KCNMA1: variants seen among roughly 807,000 people sequenced by gnomAD.
The protein encoded by KCNMA1 is potassium calcium-activated channel subfamily M alpha 1.
KCNMA1 carries 29 observed loss-of-function variants against 140.0 expected under a neutral mutation model. The observed-to-expected ratio is 0.21, with a 90% CI of 0.15 to 0.28. The LOEUF (loss-of-function observed/expected upper bound fraction) is 0.28. Among genes scored for constraint, KCNMA1 ranks in the 10% least tolerant of loss-of-function variants. The pLI is 1.00. For missense variants in KCNMA1, 880 were observed against 1,602.2 expected (o/e 0.55, Z 7.70); for synonymous variants, 612 against 611.9 (o/e 1.00, Z 0.00).
Position 77,112,411 on chromosome 10 carries a change from T to C in KCNMA1, c.916A>G (p.Ile306Val). Reference protein sequence around the residue: ...NSIKLVNLLSIFISTWLTAAG... With the variant: ...NSIKLVNLLSVFISTWLTAAG... ...GCAGTCAGCCACGTGCTGATAAATATGGAGAGCAGATTCACCAGCTTGATG... is the reference window on the plus strand; with the variant it reads ...GCAGTCAGCCACGTGCTGATAAATACGGAGAGCAGATTCACCAGCTTGATG... The change falls in exon 7 of 28, where the codon ATA becomes GTA. Residue 306 changes from isoleucine (I) to valine (V), a missense_variant. Coordinates refer to ENST00000286628, the MANE Select transcript of KCNMA1 (RefSeq NM_001161352.2). 1 of 1,613,964 alleles carries C rather than the reference T, an allele frequency of 6.2e-7. No homozygotes were observed. Among genetic ancestry groups the C allele is most frequent in the Non-Finnish European group, 8.5e-7 (1 of 1,179,880 alleles).
At chr10:77,504,447 C>A (rs1372617516) in intron 1 of KCNMA1, among the ~76,000 whole-genome samples, 1 of 152,098 alleles carries the variant, frequency 6.6e-6, no homozygotes, top group Non-Finnish European at 1.5e-5. Context: ...TAGCCCAGAT[C>A]CTTGCAAACT....
Position 77,180,099 on chromosome 10 carries a change from C to T in KCNMA1, c.808+3322G>A, listed in dbSNP as rs1565030413. ...GCCAGCTACCGCACAGTCCTGTACCCTCAGCAGGGCCAGGAAAGTTTGTGC... is the reference window on the plus strand; with the variant it reads ...GCCAGCTACCGCACAGTCCTGTACCTTCAGCAGGGCCAGGAAAGTTTGTGC... On this transcript the variant is annotated intron_variant, in intron 5 of 27. Coordinates refer to ENST00000286628, the MANE Select transcript of KCNMA1 (RefSeq NM_001161352.2). Among the ~76,000 whole-genome samples, 3 of 152,200 alleles carry T rather than the reference C, an allele frequency of 2.0e-5. No homozygotes were observed. The South Asian group carries it at 6.2e-4, about 32-fold the overall frequency.
At chr10:77,611,576 A>G (rs978287986) in intron 1 of KCNMA1, among the ~76,000 whole-genome samples, 3 of 152,228 alleles carry the variant, frequency 2.0e-5, no homozygotes, top group Non-Finnish European at 4.4e-5. Context: ...TCAGCTACGT[A>G]AAGTCCCTCA....
chr10:77,406,680 C>A (rs968694212), intron 1 of KCNMA1, among the ~76,000 whole-genome samples: 8 of 152,176 alleles, frequency 5.3e-5, no homozygotes, highest in Middle Eastern at 3.2e-3. Context: ...CTCCTGGCCT[C>A]TCCCTTCACC....
intron 20 of KCNMA1, among the ~76,000 whole-genome samples, chr10:76,966,225 G>A (rs913838651): frequency 5.3e-5 from 8 of 152,186 alleles, no homozygotes; most frequent in Admixed American, 5.2e-4. Context: ...GCAGGCAGCC[G>A]AAGTGCACAG....
chr10:77,064,524 A>G lies in KCNMA1; in HGVS notation c.1749+8573T>C, dbSNP rs1215170251. On this transcript the variant is annotated intron_variant, in intron 14 of 27. Transcript: ENST00000286628. ...CTTGAGAATTTGTAAAGGTCTGAGA[A>G]CGCTTTAATTCAATGTTCTAGAAAT... is the stretch of plus-strand genomic sequence containing the variant. Among the ~76,000 whole-genome samples, 3 of 152,230 alleles carry G rather than the reference A, an allele frequency of 2.0e-5. No homozygotes were observed. The East Asian group carries it at 5.8e-4, about 29-fold the overall frequency.
chr10:77,243,570 C>T (rs1441424803), intron 3 of KCNMA1, among the ~76,000 whole-genome samples: 8 of 151,878 alleles, frequency 5.3e-5, no homozygotes, highest in Admixed American at 3.3e-4. Flanking sequence ...TGGAGAGTGG[C>T]GAGAAGGGAA....
At chr10:77,608,469 G>C (rs928554586) in intron 1 of KCNMA1, among the ~76,000 whole-genome samples, 1 of 152,078 alleles carries the variant, frequency 6.6e-6, no homozygotes, top group African/African-American at 2.4e-5. Flanking sequence ...TCACCATGCC[G>C]GGCCTGTAGG....
At chr10:77,407,327 A>G (rs2096501899) in intron 1 of KCNMA1, among the ~76,000 whole-genome samples, 1 of 152,162 alleles carries the variant, frequency 6.6e-6, no homozygotes, top group African/African-American at 2.4e-5. Context: ...AGCACCTCTT[A>G]TGGGGAGCAG....
At chr10:77,230,170 CAATGAAGGAAGCCA>C (rs2053104132) in intron 3 of KCNMA1, among the ~76,000 whole-genome samples, 1 of 152,128 alleles carries the variant, frequency 6.6e-6, no homozygotes, top group Non-Finnish European at 1.5e-5. Context: ...AGCATTATGT[CAATGAAGGAAGCCA>C]GACACAAAGG....
intron 13 of KCNMA1, among the ~76,000 whole-genome samples, chr10:77,074,725 G>C (rs1309542402): frequency 6.6e-6 from 1 of 152,158 alleles, no homozygotes; most frequent in African/African-American, 2.4e-5. Context: ...AAAATGAAAG[G>C]TCTTTGTCCC....
intron 1 of KCNMA1, among the ~76,000 whole-genome samples, chr10:77,500,884 A>G (rs2043615903): frequency 6.6e-6 from 1 of 152,218 alleles, no homozygotes. Context: ...GGAAACTGAG[A>G]CGGGATGATG....
chr10:76,994,861 T>G (rs190833118), intron 19 of KCNMA1, among the ~76,000 whole-genome samples: 1 of 152,282 alleles, frequency 6.6e-6, no homozygotes, highest in African/African-American at 2.4e-5. Context: ...AGTATCCAAC[T>G]GAAATGATGG....
chr10:77,318,951 A>G (rs757326165), intron 2 of KCNMA1, among the ~76,000 whole-genome samples: 2 of 152,156 alleles, frequency 1.3e-5, no homozygotes, highest in Non-Finnish European at 2.9e-5. Flanking sequence ...GCCTTGGCAC[A>G]CAAGAGAAGG....
At chr10:77,528,630 A>G (rs1265577500) in intron 1 of KCNMA1, among the ~76,000 whole-genome samples, 1 of 149,452 alleles carries the variant, frequency 6.7e-6, no homozygotes, top group African/African-American at 2.5e-5. Flanking sequence ...AAAAGAAAAG[A>G]AAAGATACCA....
At chr10:76,958,809 T>A (rs556031218) in intron 20 of KCNMA1, among the ~76,000 whole-genome samples, 4 of 152,200 alleles carry the variant, frequency 2.6e-5, no homozygotes, top group African/African-American at 9.6e-5. Context: ...CCACCAGAAC[T>A]GTGAGAAGCT....
intron 2 of KCNMA1, among the ~76,000 whole-genome samples, chr10:77,381,023 C>T (rs905255991): frequency 6.6e-6 from 1 of 152,182 alleles, no homozygotes; most frequent in Non-Finnish European, 1.5e-5. Context: ...GTGGAAATGG[C>T]TTTTCTATTT....
At chr10:77,218,658 T>C (rs886485538) in intron 3 of KCNMA1, among the ~76,000 whole-genome samples, 6 of 152,158 alleles carry the variant, frequency 3.9e-5, no homozygotes, top group African/African-American at 1.2e-4. Context: ...CATTTCAAAA[T>C]ATATGAGACT....
At chr10:77,295,787 C>CAAAAAA (rs36034012) in intron 2 of KCNMA1, among the ~76,000 whole-genome samples, 444 of 43,258 alleles carry the variant, frequency 0.01, 84 homozygotes, top group East Asian at 0.034. Context: ...GACTCCGTCT[C>CAAAAAA]AAAAAAAAAA....
Sources: allele counts gnomAD v4.1 joint callset (sites outside exome capture counted in the v4.1 genomes callset), GRCh38; gene constraint gnomAD v4.1.1; transcripts MANE v1.5; gene names NCBI Gene and HGNC (gene_info 2026-07-23, HGNC 2026-07-21).